Variants in HIKESHI observed in about 807,000 individuals in gnomAD.
The protein encoded by HIKESHI is protein Hikeshi.
Under a neutral mutation model 25.7 loss-of-function variants are expected in HIKESHI, and 13 were observed. The ratio of observed to expected loss-of-function variants is 0.51; its 90% CI spans 0.33 to 0.80. The LOEUF is 0.80. Ranked by LOEUF, HIKESHI falls within the 30% of genes least tolerant of loss-of-function variation. HIKESHI has a pLI of 0.02. For synonymous variants in HIKESHI, 76 were observed against 78.7 expected, an observed-to-expected ratio of 0.97 and a Z score of 0.18; for missense variants, 174 against 229.5, an observed-to-expected ratio of 0.76 and a Z score of 1.56.
In HIKESHI at chr11:86,309,266, TG is replaced by T. The variant is rs763852642; in HGVS notation, c.268+2786del. 7.5e-4 allele frequency among the ~76,000 whole-genome samples: 114 copies of T among 152,310 alleles called. 1 individual carries two copies. Among genetic ancestry groups the T allele is most frequent in the South Asian group, 2.5e-3 (12 of 4,828 alleles). On this transcript the variant is annotated intron_variant, in intron 2 of 4. Transcript: ENST00000278483. ...GCTTTTTAATGATCACCATTCTAACTGGCGTGAGATGGTATCTCATTGTGGT... is the reference window on the plus strand; with the variant it reads ...GCTTTTTAATGATCACCATTCTAACTGCGTGAGATGGTATCTCATTGTGGT...
intron 2 of HIKESHI, among the ~76,000 whole-genome samples, chr11:86,314,134 C>G (rs912729553): frequency 3.9e-5 from 6 of 152,108 alleles, no homozygotes; most frequent in Admixed American, 3.3e-4. Context: ...CTCTGAAGCC[C>G]ATTCATGTAT....
chr11:86,331,504 T>C (rs1241906154), intron 2 of HIKESHI, among the ~76,000 whole-genome samples: 1 of 152,022 alleles, frequency 6.6e-6, no homozygotes, highest in Non-Finnish European at 1.5e-5. Flanking sequence ...GAAAAGAAAT[T>C]ACCCAGATAA....
chr11:86,307,016 T>A lies in HIKESHI; in HGVS notation c.268+534T>A, dbSNP rs868074909. Reference sequence around the variant, plus strand: ...CTCTGTCTCAAAGAAAAAAAAAATATATATATATATATAAATATATATATT... The same window carrying A: ...CTCTGTCTCAAAGAAAAAAAAAATAAATATATATATATAAATATATATATT... On this transcript the variant is annotated intron_variant, in intron 2 of 4. Transcript: ENST00000278483. Among the ~76,000 whole-genome samples the A allele has an allele frequency of 6.8e-3, 970 of 142,566 alleles. 52 individuals carry two copies. Among genetic ancestry groups the A allele is most frequent in the Middle Eastern group, 0.011 (3 of 276 alleles). 93.5% of individuals were successfully genotyped at this position (142,566 alleles called of 152,430 possible). A position where few individuals can be genotyped will look rare whatever the true frequency, so the allele number is the denominator to read the frequency against.
intron 3 of HIKESHI, chr11:86,344,330 A>G (rs1336620612): frequency 1.7e-5 from 5 of 300,366 alleles, no homozygotes; most frequent in Non-Finnish European, 2.4e-5. Context: ...TTTTTTATTC[A>G]TTTATTTAAT....
At chr11:86,326,068 C>T (rs988834726) in intron 2 of HIKESHI, among the ~76,000 whole-genome samples, 3 of 151,988 alleles carry the variant, frequency 2.0e-5, no homozygotes, top group Non-Finnish European at 2.9e-5. Flanking sequence ...GAGGCTGAGG[C>T]GGGCAGATCA....
chr11:86,334,543 G>C (rs1289901960), intron 2 of HIKESHI, among the ~76,000 whole-genome samples: 1 of 152,006 alleles, frequency 6.6e-6, no homozygotes, highest in Non-Finnish European at 1.5e-5. Context: ...GCTCTTCTTT[G>C]TATTATGATT....
intron 2 of HIKESHI, among the ~76,000 whole-genome samples, chr11:86,308,076 C>T (rs1265913178): frequency 1.8e-4 from 22 of 120,472 alleles, no homozygotes; most frequent in South Asian, 4.9e-4. Context: ...ATGTATATTA[C>T]GTAAAATATA....
intron 2 of HIKESHI, 79 bp downstream of exon 2, chr11:86,306,561 C>A: frequency 4.9e-6 from 4 of 817,172 alleles, no homozygotes; most frequent in Non-Finnish European, 7.6e-6. Context: ...TATGACTTTT[C>A]CCCCTTTAGA....
chr11:86,342,477 TCGTGTGTGTG>T (rs1202063901), intron 3 of HIKESHI, among the ~76,000 whole-genome samples: 2 of 100,512 alleles, frequency 2.0e-5, no homozygotes, highest in Admixed American at 1.2e-4. Context: ...ATAAAGATGT[TCGTGTGTGTG>T]TGTGTGTGTG....
At chr11:86,330,722 T>A (rs1947399825) in intron 2 of HIKESHI, among the ~76,000 whole-genome samples, 1 of 152,248 alleles carries the variant, frequency 6.6e-6, no homozygotes, top group Non-Finnish European at 1.5e-5. Context: ...CTAAAGTATT[T>A]TCTTCTAGTT....
rs543500846 is a variant in HIKESHI at position 86,339,195 on chromosome 11, G to A, written c.420+1665G>A. Among the ~76,000 whole-genome samples, 6 of 141,758 alleles carry A rather than the reference G, an allele frequency of 4.2e-5. No homozygotes were observed. In the South Asian group the frequency reaches 1.5e-3, roughly 35 times the overall value. 93.0% of individuals were successfully genotyped at this position (141,758 alleles called of 152,430 possible). A position where few individuals can be genotyped will look rare whatever the true frequency, so the allele number is the denominator to read the frequency against. ...CAAGTAGCTGGGACTACACGTGCCCGCCACCAGGCCCAGCTAATTTTTTTT... is the reference window on the plus strand; with the variant it reads ...CAAGTAGCTGGGACTACACGTGCCCACCACCAGGCCCAGCTAATTTTTTTT... On this transcript the variant is annotated intron_variant, in intron 3 of 4. Transcript: ENST00000278483.
At chr11:86,326,319 AAAAAT>A (rs745374959) in intron 2 of HIKESHI, among the ~76,000 whole-genome samples, 1 of 152,146 alleles carries the variant, frequency 6.6e-6, no homozygotes, top group African/African-American at 2.4e-5. Flanking sequence ...TAAATAAATA[AAAAAT>A]AAAATAAAAA....
chr11:86,315,008 T>TATGTACACATACTATGTACACATACTATG (rs1946936766), intron 2 of HIKESHI, among the ~76,000 whole-genome samples: 1 of 152,240 alleles, frequency 6.6e-6, no homozygotes. Flanking sequence ...ACACATACCC[T>TATGTACACATACTATGTACACATACTATG]TTATACATAT....
In HIKESHI at chr11:86,302,562, G is replaced by A. The variant is rs147236337; in HGVS notation, c.30+84G>A. 1.2e-3 allele frequency: 1,717 copies of A among 1,467,620 alleles called. 42 individuals are homozygous for A. In the Admixed American group the frequency reaches 0.031, roughly 26 times the overall value. The allele number at this position is 1,467,620 out of a possible 1,614,324, so 90.9% of individuals were successfully genotyped here. A position where few individuals can be genotyped will look rare whatever the true frequency, so the allele number is the denominator to read the frequency against. On this transcript the variant is annotated intron_variant, in intron 1 of 4. Transcript: ENST00000278483. ...CGGCAGGGAGGGTGCGCAGGCGCTA[G>A]GGATGCGGGGAAGCCCACTTATTAT...
chr11:86,330,304 T>C (rs1489525511), intron 2 of HIKESHI, among the ~76,000 whole-genome samples: 1 of 152,198 alleles, frequency 6.6e-6, no homozygotes, highest in Non-Finnish European at 1.5e-5. Flanking sequence ...TCACCCCACT[T>C]AGTGAAGTTC....
At chr11:86,322,831 T>C (rs1220990019) in intron 2 of HIKESHI, among the ~76,000 whole-genome samples, 2 of 152,214 alleles carry the variant, frequency 1.3e-5, no homozygotes, top group Non-Finnish European at 2.9e-5. Context: ...ATTTAGTGGT[T>C]CCAACATTGG....
intron 1 of HIKESHI, among the ~76,000 whole-genome samples, chr11:86,304,870 G>T (rs1034074326): frequency 1.3e-5 from 2 of 152,092 alleles, no homozygotes; most frequent in African/African-American, 4.8e-5. Context: ...AATGACTGCA[G>T]AAATGCAGCA....
chr11:86,332,867 T>C (rs946834464), intron 2 of HIKESHI, among the ~76,000 whole-genome samples: 2 of 152,232 alleles, frequency 1.3e-5, no homozygotes, highest in Non-Finnish European at 2.9e-5. Flanking sequence ...TGGGCCTTGG[T>C]TTGTCATTGC....
At chr11:86,334,054 T>A (rs1947484962) in intron 2 of HIKESHI, among the ~76,000 whole-genome samples, 2 of 152,214 alleles carry the variant, frequency 1.3e-5, no homozygotes, top group Admixed American at 1.3e-4. Context: ...ATGTGTTCCA[T>A]GTTTATCCAT....
Sources: gnomAD v4.1 joint callset for allele counts (sites outside exome capture counted in the v4.1 genomes callset) on GRCh38, gnomAD v4.1.1 for gene constraint, MANE v1.5 for transcripts, NCBI Gene and HGNC (gene_info 2026-07-23, HGNC 2026-07-21) for gene names.